Variants in ANK2 observed in about 807,000 individuals in gnomAD.
ANK2 encodes the protein ankyrin 2, also known as ankyrin-2.
A neutral mutation model predicts 360.5 loss-of-function variants in ANK2; 83 were observed. The ratio of observed to expected loss-of-function variants is 0.23; its 90% CI spans 0.19 to 0.28. The LOEUF is 0.28. ANK2 is among the 10% of genes least tolerant of loss of function. The pLI is 1.00. For synonymous variants in ANK2, 1,740 were observed against 1,759.5 expected (o/e 0.99, Z 0.28); for missense variants, 4,201 against 4,795.7 (o/e 0.88, Z 3.66).
chr4:112,946,140 A>G (rs1175689303), intron 2 of ANK2, among the ~76,000 whole-genome samples: 1 of 152,114 alleles, frequency 6.6e-6, no homozygotes, highest in Middle Eastern at 3.2e-3. Context: ...CTGAACTTTG[A>G]GAGGGGTTTG....
intron 1 of ANK2, among the ~76,000 whole-genome samples, chr4:112,854,149 G>T (rs1326848521): frequency 6.6e-6 from 1 of 152,156 alleles, no homozygotes; most frequent in Non-Finnish European, 1.5e-5. Context: ...AAGGGGTGAG[G>T]AGTGTGGATT....
chr4:113,183,528 A>G (rs6847102), intron 2 of ANK2, among the ~76,000 whole-genome samples: 47,242 of 151,994 alleles, frequency 0.31, 7,897 homozygotes, highest in African/African-American at 0.43. Flanking sequence ...AAATAACGAT[A>G]AAGACTATGC....
chr4:113,167,403 G>A (rs959524381), intron 1 of ANK2, among the ~76,000 whole-genome samples: 3 of 151,516 alleles, frequency 2.0e-5, no homozygotes, highest in African/African-American at 7.3e-5. Context: ...GGATCCGAGC[G>A]ATTCCCCTGC....
intron 1 of ANK2, among the ~76,000 whole-genome samples, chr4:113,077,491 G>T (rs973766042): frequency 1.3e-5 from 2 of 152,124 alleles, no homozygotes; most frequent in South Asian, 2.1e-4. Context: ...TTTAAGAGTG[G>T]TTCAGCTTAA....
Position 112,968,146 on chromosome 4 carries a change from A to G in ANK2, c.21+63632A>G, listed in dbSNP as rs577515709. Among the ~76,000 whole-genome samples the G allele has an allele frequency of 4.6e-5, 7 of 152,290 alleles. No homozygotes were observed. In the South Asian group the frequency reaches 1.0e-3, roughly 23 times the overall value. On this transcript the variant is annotated intron_variant, in intron 2 of 30. Transcript: ENST00000503271. The stretch of plus-strand genomic sequence containing the variant: ...GCTTATTCATTTGAAGGACTTTCCA[A>G]TGAACCATTAATTATTAGCAGGTTA...
chr4:113,379,234 A>G (rs762872106), intron 45 of ANK2, among the ~76,000 whole-genome samples: 1 of 152,196 alleles, frequency 6.6e-6, no homozygotes, highest in Non-Finnish European at 1.5e-5. Context: ...ATGAAACCAC[A>G]TAATCCACGC....
intron 29 of ANK2, 54 bp downstream of exon 29, chr4:113,333,262 ATTCAT>A (rs2092875458): frequency 5.0e-6 from 8 of 1,603,614 alleles, no homozygotes; most frequent in Non-Finnish European, 6.8e-6. Context: ...CATGAAAATG[ATTCAT>A]TTCTTTCTTA....
chr4:113,248,182 C>T (rs1314811779), intron 9 of ANK2, among the ~76,000 whole-genome samples: 2 of 152,064 alleles, frequency 1.3e-5, no homozygotes, highest in Non-Finnish European at 2.9e-5. Flanking sequence ...AGTCAAGGTC[C>T]TAGCCAAAAA....
At chr4:112,754,055 G>A in the ANK2 span, among the ~76,000 whole-genome samples, 43 of 144,654 alleles carry the variant, frequency 3.0e-4, 1 homozygote, top group East Asian at 7.5e-3. Context: ...CCGAGATTAC[G>A]CCACTGCACT....
chr4:112,884,369 T>C (rs1387272153), intron 1 of ANK2, among the ~76,000 whole-genome samples: 1 of 152,216 alleles, frequency 6.6e-6, no homozygotes, highest in Non-Finnish European at 1.5e-5. Flanking sequence ...AACTGTGCTC[T>C]TGTAGCTAAA....
chr4:112,864,763 T>C (rs2069617070), intron 1 of ANK2, among the ~76,000 whole-genome samples: 1 of 151,138 alleles, frequency 6.6e-6, no homozygotes, highest in South Asian at 2.1e-4. Context: ...CCGGGCGCGG[T>C]GGCTCAAGCC....
At chr4:112,751,148 C>G in the ANK2 span, among the ~76,000 whole-genome samples, 1 of 152,164 alleles carries the variant, frequency 6.6e-6, no homozygotes, top group South Asian at 2.1e-4. Flanking sequence ...TCTTATGCTA[C>G]ATGGTATTGT....
At chr4:113,312,367 GT>G (rs2080514175) in intron 24 of ANK2, among the ~76,000 whole-genome samples, 1 of 152,018 alleles carries the variant, frequency 6.6e-6, no homozygotes, top group Non-Finnish European at 1.5e-5. Context: ...TAGTTTTAAA[GT>G]TGGCACTATT....
upstream of ANK2, among the ~76,000 whole-genome samples, chr4:113,046,422 C>G (rs552103256): frequency 6.6e-6 from 1 of 152,102 alleles, no homozygotes; most frequent in Non-Finnish European, 1.5e-5. Context: ...TGAAACTTAA[C>G]CCCCAGTGTG....
chr4:112,935,752 G>T (rs530160790), intron 2 of ANK2, among the ~76,000 whole-genome samples: 1 of 152,134 alleles, frequency 6.6e-6, no homozygotes, highest in Non-Finnish European at 1.5e-5. Flanking sequence ...TGAAGCAAAA[G>T]AATTGCTTGA....
chr4:112,787,721 T>C, the ANK2 span, among the ~76,000 whole-genome samples: 4 of 152,318 alleles, frequency 2.6e-5, no homozygotes, highest in South Asian at 2.1e-4. Flanking sequence ...ACCACTGTCA[T>C]GGGTAGGCAG....
chr4:113,041,258 C>T (rs970551848), intron 2 of ANK2, among the ~76,000 whole-genome samples: 2 of 152,090 alleles, frequency 1.3e-5, no homozygotes, highest in Non-Finnish European at 2.9e-5. Context: ...CTTAACATGG[C>T]CTGTTGAGCT....
At chr4:113,182,037 G>C (rs778037515) in intron 2 of ANK2, among the ~76,000 whole-genome samples, 2 of 152,142 alleles carry the variant, frequency 1.3e-5, no homozygotes, top group Non-Finnish European at 2.9e-5. Flanking sequence ...GATACTTTAG[G>C]TGAGAAGTGA....
intron 2 of ANK2, among the ~76,000 whole-genome samples, chr4:112,957,922 G>A (rs1272055192): frequency 3.3e-5 from 5 of 151,676 alleles, no homozygotes; most frequent in East Asian, 3.9e-4. Context: ...AGACGGGGTC[G>A]CGGCCAGGTA....
Sources: gnomAD v4.1 joint callset for allele counts (sites outside exome capture counted in the v4.1 genomes callset) on GRCh38, gnomAD v4.1.1 for gene constraint, MANE v1.5 for transcripts, NCBI Gene and HGNC (gene_info 2026-07-23, HGNC 2026-07-21) for gene names.